Variants in DLEC1 observed in about 807,000 individuals in gnomAD.
DLEC1 encodes DLEC1 cilia and flagella associated protein.
DLEC1 carries 146 observed loss-of-function variants against 198.1 expected under a neutral mutation model. The observed-to-expected ratio is 0.74, with a 90% CI of 0.64 to 0.85. The LOEUF is 0.85. Ranked by LOEUF, DLEC1 falls within the 40% of genes least tolerant of loss-of-function variation. The pLI is 0.00. For synonymous variants in DLEC1, 897 were observed against 866.8 expected (o/e 1.03, Z -0.61); for missense variants, 2,233 against 2,220.0 (o/e 1.01, Z -0.12).
At chr3:38,120,785 C>T (rs1189729847) in intron 34 of DLEC1, among the ~76,000 whole-genome samples, 176 bp downstream of exon 34, 1 of 152,162 alleles carries the variant, frequency 6.6e-6, no homozygotes, top group African/African-American at 2.4e-5. Flanking sequence ...TGAGGGCCAT[C>T]CAACCTCACC....
intron 18 of DLEC1, among the ~76,000 whole-genome samples, chr3:38,099,977 C>G (rs374871080): frequency 2.0e-5 from 3 of 152,210 alleles, no homozygotes; most frequent in South Asian, 2.1e-4. Flanking sequence ...CAGCTCTCCT[C>G]TGGCTCCCCA....
Position 38,052,780 on chromosome 3 carries a change from G to A in DLEC1, c.563-6962G>A, listed in dbSNP as rs187506523. 4.5e-3 allele frequency among the ~76,000 whole-genome samples: 666 copies of A among 146,856 alleles called. 2 individuals carry two copies. The highest frequency in any genetic ancestry group is 7.5e-3 in the Non-Finnish European group (499 of 66,912). On this transcript the variant is annotated intron_variant, in intron 2 of 36. Coordinates refer to ENST00000308059, the MANE Select transcript of DLEC1 (RefSeq NM_007335.4). ...AGTCCCTCTCTCTCCCTCCCCCTCC[G>A]CCTCCTCCTCCCCCTCTCCCTCTCA... is the stretch of plus-strand genomic sequence containing the variant.
chr3:38,039,772 G>T, intron 1 of DLEC1, 136 bp downstream of exon 1: 1 of 1,194,154 alleles, frequency 8.4e-7, no homozygotes. Flanking sequence ...ATGCCGAAGT[G>T]GGCCCGACAT....
Position 38,062,219 on chromosome 3 carries a change from TC to T in DLEC1, c.726del (p.Val243SerfsTer6). On this transcript the variant is annotated frameshift_variant, in exon 4 of 37. Transcript: ENST00000308059. LOFTEE classifies it high-confidence loss of function. ...ACTGACATTTAGCTGTGAGAAGCGT[TC>T]CGTCCAGAAGAAAGAGCTGAACAAG... The part of the protein sequence containing the change: ...SKLTFSCEKR[S>X]VQKKELNKKL... The T allele has an allele frequency of 6.2e-7, 1 of 1,614,246 alleles. No homozygotes were observed. Among genetic ancestry groups the T allele is most frequent in the Non-Finnish European group, 8.5e-7 (1 of 1,180,048 alleles).
At position 38,120,624 on chromosome 3, in the gene DLEC1, C is replaced by T. The variant is rs1175647245; in HGVS notation, c.4866+15C>T. 2 of 1,612,412 alleles carry T rather than the reference C, an allele frequency of 1.2e-6. No homozygotes were observed. The highest frequency in any genetic ancestry group is 1.7e-6 in the Non-Finnish European group (2 of 1,179,808). On this transcript the variant is annotated intron_variant, in intron 34 of 36. Coordinates refer to ENST00000308059, the MANE Select transcript of DLEC1 (RefSeq NM_007335.4). The stretch of plus-strand genomic sequence containing the variant: ...AGACCACTCAGGCACGCCCCAGGCC[C>T]ACCTACATGTGGAGGAGGGTGGAAG...
rs1699931484 is a variant in DLEC1, at chr3:38,112,349, C to T, written c.3654C>T (p.Asn1218=). The change falls in exon 25 of 37, where the codon AAC becomes AAT. Residue 1218 remains asparagine, a synonymous_variant. Coordinates refer to ENST00000308059, the MANE Select transcript of DLEC1 (RefSeq NM_007335.4). The surrounding 1 kb of genome is among the most constrained non-coding windows in gnomAD (Gnocchi z 4.8). ...ACATGTGGGGCGAGTACTGGGACAA[C>T]CTCATCTGCACGGTAAGGGTACACA... ...CANMWGEYWD[N]LICTVGDLLP... 3 of 1,614,146 alleles carry T rather than the reference C, an allele frequency of 1.9e-6. No homozygotes were observed. Among genetic ancestry groups the T allele is most frequent in the Non-Finnish European group, 2.5e-6 (3 of 1,180,018 alleles).
chr3:38,096,642 G>C lies in DLEC1; in HGVS notation c.2245G>C (p.Gly749Arg), dbSNP rs1332521342. 1 of 1,613,148 alleles carries C rather than the reference G, an allele frequency of 6.2e-7. No individual in the cohort carries two copies. Among genetic ancestry groups the C allele is most frequent in the Admixed American group, 1.7e-5 (1 of 60,026 alleles). Residue 749 changes from glycine to arginine, a missense_variant, in exon 15 of 37, where the codon GGC (glycine) becomes CGC (arginine). Coordinates refer to ENST00000308059, the MANE Select transcript of DLEC1 (RefSeq NM_007335.4). ...GATTGTCCTGGAAATCGAGGTGAAA[G>C]GCTCAGTAGAACCTTTCCAGGTTCT... Reference protein sequence around the residue: ...DVIVLEIEVKGSVEPFQVLLE... With the variant: ...DVIVLEIEVKRSVEPFQVLLE...
In DLEC1 at chr3:38,112,733, G is replaced by T. The variant is rs1260658734; in HGVS notation, c.3666+372G>T. Among the ~76,000 whole-genome samples, 1 of 152,160 alleles carries T rather than the reference G, an allele frequency of 6.6e-6. No homozygotes were observed. The highest frequency in any genetic ancestry group is 1.5e-5 in the Non-Finnish European group (1 of 68,018). On this transcript the variant is annotated intron_variant, in intron 25 of 36. Coordinates refer to ENST00000308059, the MANE Select transcript of DLEC1 (RefSeq NM_007335.4). The surrounding 1 kb of genome is among the most constrained non-coding windows in gnomAD (Gnocchi z 4.8). ...AGCAGCCTCCCAGAGCCAGGTCCTT[G>T]CCCCGCCCTTGGTGGGGCTCACCCA... is the stretch of plus-strand genomic sequence containing the variant.
intron 19 of DLEC1, among the ~76,000 whole-genome samples, chr3:38,106,245 T>C (rs920572770): frequency 1.3e-5 from 2 of 152,260 alleles, no homozygotes; most frequent in Admixed American, 1.3e-4. Context: ...TATCTTGATA[T>C]GGTTATATCA....
At chr3:38,052,659 C>T (rs920757328) in intron 2 of DLEC1, among the ~76,000 whole-genome samples, 4 of 152,238 alleles carry the variant, frequency 2.6e-5, no homozygotes, top group African/African-American at 9.6e-5. Context: ...TCTCCGTCCA[C>T]TGGAGTCCAG....
chr3:38,116,374 G>A (rs2125741147), intron 27 of DLEC1, 79 bp from the exon 28 acceptor site: 5 of 1,397,818 alleles, frequency 3.6e-6, no homozygotes, highest in African/African-American at 1.4e-5. Flanking sequence ...TCTCTGTCTG[G>A]GGGTATGAGG....
At chr3:38,041,551 A>G (rs1700651468) in intron 1 of DLEC1, among the ~76,000 whole-genome samples, 1 of 152,214 alleles carries the variant, frequency 6.6e-6, no homozygotes, top group Non-Finnish European at 1.5e-5. Flanking sequence ...GATCCCCTAT[A>G]GAAATACAAC....
In DLEC1 at chr3:38,084,204, G is replaced by A. The variant is rs369726203; in HGVS notation, c.1220G>A (p.Arg407Gln). 8 of 1,613,290 alleles carry A rather than the reference G, an allele frequency of 5.0e-6. No individual in the cohort carries two copies. Among genetic ancestry groups the A allele is most frequent in the Admixed American group, 3.3e-5 (2 of 59,984 alleles). Reference protein sequence around the residue: ...QNTTTTSRYLRVLPPSTPYFA... With the variant: ...QNTTTTSRYLQVLPPSTPYFA... ...ACCACCACGACCAGCCGCTACCTGC[G>A]AGTCCTCCCGCCTTCCACGCCATAC... Residue 407 changes from arginine to glutamine, a missense_variant, in exon 7 of 37, where the codon CGA becomes CAA. Arg to Gln is a conservative substitution (Grantham distance 43). Coordinates refer to ENST00000308059, the MANE Select transcript of DLEC1 (RefSeq NM_007335.4).
intron 6 of DLEC1, among the ~76,000 whole-genome samples, chr3:38,071,513 G>T (rs375765334): frequency 3.9e-5 from 6 of 152,236 alleles, no homozygotes; most frequent in Admixed American, 2.0e-4. Flanking sequence ...AGAACTATTT[G>T]CCTTGTGTGG....
At chr3:38,062,451 C>A in intron 4 of DLEC1, 83 bp downstream of exon 4, 1 of 1,586,594 alleles carries the variant, frequency 6.3e-7, no homozygotes, top group South Asian at 1.1e-5. Flanking sequence ...ACATGAGAAG[C>A]TGTGATGAAT....
chr3:38,055,150 A>G (rs1218794680), intron 2 of DLEC1, among the ~76,000 whole-genome samples: 1 of 152,256 alleles, frequency 6.6e-6, no homozygotes, highest in Non-Finnish European at 1.5e-5. Context: ...CCAAAGAGAT[A>G]GAAAACATGA....
chr3:38,078,468 C>G (rs905124520), intron 6 of DLEC1, among the ~76,000 whole-genome samples: 1 of 152,170 alleles, frequency 6.6e-6, no homozygotes, highest in Non-Finnish European at 1.5e-5. Flanking sequence ...CTGCACTAAC[C>G]ATGCCTAGGA....
chr3:38,109,321 C>T (rs1268806005), intron 21 of DLEC1, 111 bp from the exon 22 acceptor site: 1 of 1,482,014 alleles, frequency 6.7e-7, no homozygotes. Context: ...TGGAGATGAG[C>T]CTGGCCAGAG....
rs1422268894 is a variant in DLEC1, at chr3:38,121,616, G to A, written c.4867-12G>A. 4 of 1,611,376 alleles carry A rather than the reference G, an allele frequency of 2.5e-6. No individual in the cohort carries two copies. The highest frequency in any genetic ancestry group is 2.7e-5 in the African/African-American group (2 of 74,844). Reference sequence around the variant, plus strand: ...CCACCCAGAATGGACAAGGTTGCCTGGTCTCCCACAGGTGGTGCCCCTGCG... The same window carrying A: ...CCACCCAGAATGGACAAGGTTGCCTAGTCTCCCACAGGTGGTGCCCCTGCG... On this transcript the variant is annotated splice_polypyrimidine_tract_variant and intron_variant, in intron 34 of 36. Coordinates refer to ENST00000308059, the MANE Select transcript of DLEC1 (RefSeq NM_007335.4).
Sources: gnomAD v4.1 joint callset for allele counts (sites outside exome capture counted in the v4.1 genomes callset) on GRCh38, gnomAD v4.1.1 for gene constraint, Gnocchi (gnomAD v3.1) non-coding constraint, MANE v1.5 for transcripts, NCBI Gene and HGNC (gene_info 2026-07-23, HGNC 2026-07-21) for gene names.